PABPC4L: variants seen among roughly 807,000 people sequenced by gnomAD.
PABPC4L encodes polyadenylate-binding protein 4-like.
For synonymous variants in PABPC4L, 169 were observed against 164.1 expected (o/e 1.03, Z -0.23); for missense variants, 452 against 451.4 (o/e 1.00, Z -0.01).
chr4:134,089,391 C>A, the PABPC4L span, among the ~76,000 whole-genome samples: 2 of 152,190 alleles, frequency 1.3e-5, no homozygotes, highest in Admixed American at 6.5e-5. Context: ...TGAACTACAT[C>A]CACACATCAT....
At chr4:133,977,219 G>A in the PABPC4L span, among the ~76,000 whole-genome samples, 4,792 of 152,092 alleles carry the variant, frequency 0.032, 264 homozygotes, top group African/African-American at 0.11. Context: ...AGATCAGATC[G>A]TTGGAGATGT....
the PABPC4L span, among the ~76,000 whole-genome samples, chr4:134,076,778 TATAG>T: frequency 1.4e-4 from 22 of 152,198 alleles, no homozygotes; most frequent in East Asian, 2.7e-3. Flanking sequence ...GACATACCCA[TATAG>T]ATAGATAGAT....
chr4:133,971,106 CTTTTTTTTT>C, the PABPC4L span, among the ~76,000 whole-genome samples: 1 of 63,972 alleles, frequency 1.6e-5, no homozygotes, highest in African/African-American at 6.4e-5. Flanking sequence ...ATCTTATATT[CTTTTTTTTT>C]TTTTTTTTTT....
chr4:134,132,611 T>C, the PABPC4L span, among the ~76,000 whole-genome samples: 1 of 151,816 alleles, frequency 6.6e-6, no homozygotes, highest in Admixed American at 6.6e-5. Context: ...ACCCTACTGG[T>C]GGGAATGTAA....
rs953527226 is a variant in PABPC4L, at chr4:134,196,737, G to T, written c.*3170C>A. The T allele has an allele frequency of 6.7e-6, 1 of 150,036 alleles. No individual in the cohort carries two copies. The highest frequency in any genetic ancestry group is 2.4e-5 in the African/African-American group (1 of 41,002). The allele number at this position is 150,036 out of a possible 1,614,324, so 9.3% of individuals were successfully genotyped here. A position where few individuals can be genotyped will look rare whatever the true frequency, so the allele number is the denominator to read the frequency against. On this transcript the variant is annotated 3_prime_UTR_variant, in exon 2 of 2. Coordinates refer to ENST00000421491, the MANE Select transcript of PABPC4L (RefSeq NM_001114734.2). ...AACTAAGATAACTTGCTATTATCAC[G>T]CACCAAAAAAAATTAGAATGAACAA... is the stretch of plus-strand genomic sequence containing the variant.
chr4:134,006,234 A>G, the PABPC4L span, among the ~76,000 whole-genome samples: 2 of 151,698 alleles, frequency 1.3e-5, no homozygotes. Flanking sequence ...CATCTAGTTC[A>G]ATTTATAACA....
chr4:133,981,170 A>T, the PABPC4L span, among the ~76,000 whole-genome samples: 1 of 151,918 alleles, frequency 6.6e-6, no homozygotes, highest in Non-Finnish European at 1.5e-5. Flanking sequence ...GGGAAAAAAA[A>T]AAAATAGTAA....
At chr4:134,108,942 G>A in the PABPC4L span, among the ~76,000 whole-genome samples, 12 of 151,832 alleles carry the variant, frequency 7.9e-5, no homozygotes, top group Admixed American at 3.3e-4. Flanking sequence ...ACCCATTTCT[G>A]AACTTTACCC....
At chr4:134,117,052 TC>T in the PABPC4L span, among the ~76,000 whole-genome samples, 1 of 149,208 alleles carries the variant, frequency 6.7e-6, no homozygotes, top group Non-Finnish European at 1.5e-5. Flanking sequence ...CTTTTTTCTA[TC>T]CTTTCTTTCT....
rs1471628900 is a variant in PABPC4L, at chr4:134,197,364, T to C, written c.*2543A>G. 1 of 151,730 alleles carries C rather than the reference T, an allele frequency of 6.6e-6. No individual in the cohort carries two copies. Among genetic ancestry groups the C allele is most frequent in the Non-Finnish European group, 1.5e-5 (1 of 67,668 alleles). The allele number at this position is 151,730 out of a possible 1,614,324, so 9.4% of individuals were successfully genotyped here. On this transcript the variant is annotated 3_prime_UTR_variant, in exon 2 of 2. Coordinates refer to ENST00000421491, the MANE Select transcript of PABPC4L (RefSeq NM_001114734.2). ...TAGAAGCATTGAGAATATGAAAATC[T>C]GAAAGTCATAAACACAATACAGATA...
At chr4:133,949,076 T>A in the PABPC4L span, among the ~76,000 whole-genome samples, 1 of 152,268 alleles carries the variant, frequency 6.6e-6, no homozygotes, top group Admixed American at 6.5e-5. Context: ...TTGTGATTGA[T>A]ATAGGATTCC....
chr4:134,089,182 A>T, the PABPC4L span, among the ~76,000 whole-genome samples: 1 of 152,110 alleles, frequency 6.6e-6, no homozygotes, highest in African/African-American at 2.4e-5. Flanking sequence ...ATTTTTGTAA[A>T]TGTTTTATAA....
At chr4:134,036,850 G>A in the PABPC4L span, among the ~76,000 whole-genome samples, 1 of 152,146 alleles carries the variant, frequency 6.6e-6, no homozygotes, top group Middle Eastern at 3.4e-3. Flanking sequence ...GATGTCAGGA[G>A]TTCGAGACCA....
the PABPC4L span, among the ~76,000 whole-genome samples, chr4:134,069,273 G>C: frequency 4.8e-3 from 725 of 152,164 alleles, 8 homozygotes; most frequent in African/African-American, 0.016. Context: ...TCATTTTGGT[G>C]TTGGAGAATA....
chr4:133,963,353 T>C, the PABPC4L span, among the ~76,000 whole-genome samples: 1 of 152,026 alleles, frequency 6.6e-6, no homozygotes, highest in African/African-American at 2.4e-5. Context: ...CAATTACTAA[T>C]AGACCTAAGA....
the PABPC4L span, among the ~76,000 whole-genome samples, chr4:133,991,072 C>A: frequency 2.4e-4 from 36 of 152,236 alleles, no homozygotes; most frequent in South Asian, 1.5e-3. Flanking sequence ...ACAGGTTTGT[C>A]AAGCACAGTG....
chr4:134,017,090 C>T, the PABPC4L span, among the ~76,000 whole-genome samples: 1 of 152,094 alleles, frequency 6.6e-6, no homozygotes, highest in Admixed American at 6.6e-5. Flanking sequence ...ACAGATCAGC[C>T]TTTATTAGTC....
the PABPC4L span, among the ~76,000 whole-genome samples, chr4:134,067,696 T>A: frequency 1.3e-5 from 2 of 152,022 alleles, no homozygotes; most frequent in African/African-American, 4.8e-5. Flanking sequence ...ACCACCTTAG[T>A]AATGTCCCAG....
chr4:134,116,884 A>T, the PABPC4L span, among the ~76,000 whole-genome samples: 9 of 151,774 alleles, frequency 5.9e-5, no homozygotes, highest in Non-Finnish European at 8.8e-5. Flanking sequence ...CTAACATAAG[A>T]ATAAAATAAT....
Sources: gnomAD v4.1 joint callset for allele counts (sites outside exome capture counted in the v4.1 genomes callset) on GRCh38, gnomAD v4.1.1 for gene constraint, MANE v1.5 for transcripts, NCBI Gene and HGNC (gene_info 2026-07-23, HGNC 2026-07-21) for gene names.